Variants in COL21A1 observed in about 807,000 individuals in gnomAD.
COL21A1 encodes collagen alpha-1(XXI) chain.
A neutral mutation model predicts 137.9 loss-of-function variants in COL21A1; 149 were observed. The observed-to-expected ratio is 1.08, with a 90% CI of 0.95 to 1.24. COL21A1 has a LOEUF of 1.24. COL21A1 is among the 50% of genes most tolerant of loss of function. The pLI is 0.00. For synonymous variants in COL21A1, 456 were observed against 391.5 expected (o/e 1.16, Z -1.95); for missense variants, 1,167 against 1,158.4 (o/e 1.01, Z -0.11).
At chr6:56,375,234 C>T (rs907291910) in intron 1 of COL21A1, among the ~76,000 whole-genome samples, 2 of 152,136 alleles carry the variant, frequency 1.3e-5, no homozygotes, top group Non-Finnish European at 2.9e-5. Flanking sequence ...GCTGAGTCCC[C>T]ACAGGAGTCT....
At chr6:56,121,477 TATATACATATAC>T (rs1772499823) in intron 16 of COL21A1, among the ~76,000 whole-genome samples, 2 of 128,468 alleles carry the variant, frequency 1.6e-5, no homozygotes, top group South Asian at 4.8e-4. Flanking sequence ...TATGTATATA[TATATACATATAC>T]ATATATATGT....
intron 1 of COL21A1, among the ~76,000 whole-genome samples, chr6:56,201,176 TGGA>T (rs1047406663): frequency 1.6e-3 from 242 of 152,320 alleles, no homozygotes; most frequent in African/African-American, 5.5e-3. Context: ...GTAAATTTGT[TGGA>T]GTTCATTGTA....
chr6:56,280,610 G>C (rs1182463418), intron 1 of COL21A1, among the ~76,000 whole-genome samples: 1 of 152,170 alleles, frequency 6.6e-6, no homozygotes, highest in Non-Finnish European at 1.5e-5. Context: ...AACACTTGTG[G>C]CTTGCATACT....
rs773936512 is a variant in COL21A1 at position 56,180,042 on chromosome 6, C to T, written c.176G>A (p.Trp59Ter). The T allele has an allele frequency of 6.2e-7, 1 of 1,613,750 alleles. No individual in the cohort carries two copies. The highest frequency in any genetic ancestry group is 8.5e-7 in the Non-Finnish European group (1 of 1,179,786). Reference protein sequence around the residue: ...GPENFEIVKKWLVNITKNFDI... With the variant: ...GPENFEIVKK ...AAAGTTTTTTGTGATATTGACAAGC[C>T]ACTTTTTCACTATTTCAAAGTTTTC... Residue 59 changes from tryptophan (W) to a stop codon, truncating the protein, a stop_gained, in exon 3 of 30, where the codon TGG (tryptophan) becomes TAG (stop). Coordinates refer to ENST00000244728, the MANE Select transcript of COL21A1 (RefSeq NM_030820.4). LOFTEE classifies it high-confidence loss of function.
chr6:56,166,377 C>T (rs1431808854), intron 7 of COL21A1, among the ~76,000 whole-genome samples: 2 of 152,048 alleles, frequency 1.3e-5, no homozygotes, highest in Admixed American at 6.6e-5. Context: ...ACTGACAGGG[C>T]GTGGTGGCTC....
At chr6:56,089,417 A>G (rs1490813962) in intron 17 of COL21A1, among the ~76,000 whole-genome samples, 1 of 152,182 alleles carries the variant, frequency 6.6e-6, no homozygotes, top group Non-Finnish European at 1.5e-5. Flanking sequence ...TAACATCTAT[A>G]TATATTTTTT....
At chr6:56,324,482 T>C (rs886114222) in intron 1 of COL21A1, among the ~76,000 whole-genome samples, 1 of 152,092 alleles carries the variant, frequency 6.6e-6, no homozygotes, top group Non-Finnish European at 1.5e-5. Context: ...CAGTCATCTC[T>C]GCCTCAACAC....
At chr6:56,213,276 A>AT (rs1212862816) in intron 1 of COL21A1, among the ~76,000 whole-genome samples, 1 of 152,152 alleles carries the variant, frequency 6.6e-6, no homozygotes, top group Non-Finnish European at 1.5e-5. Flanking sequence ...AGTATATGGT[A>AT]TAGAGCTCAT....
intron 1 of COL21A1, among the ~76,000 whole-genome samples, chr6:56,303,805 G>A (rs761713600): frequency 2.6e-5 from 4 of 152,158 alleles, no homozygotes; most frequent in African/African-American, 9.7e-5. Context: ...TCCCTGTCTT[G>A]TACCAGTTTT....
intron 1 of COL21A1, among the ~76,000 whole-genome samples, chr6:56,269,523 C>T (rs1233227480): frequency 5.3e-5 from 8 of 150,922 alleles, no homozygotes; most frequent in South Asian, 2.1e-4. Context: ...GGCGTAGTGG[C>T]GGGCGCCTGT....
intron 1 of COL21A1, among the ~76,000 whole-genome samples, chr6:56,378,461 C>T (rs181687447): frequency 1.3e-5 from 2 of 152,180 alleles, no homozygotes; most frequent in Admixed American, 6.5e-5. Flanking sequence ...GTGGGCCTGC[C>T]GAGGCAGTGG....
In COL21A1 at chr6:56,122,106, G is replaced by A. The variant is rs112249096; in HGVS notation, c.1758+1956C>T. ...TGAAGTACTACCGATACAAGCCAAA[G>A]CATGAATGACCCACAAAAATGTCAT... On this transcript the variant is annotated intron_variant, in intron 16 of 29. Transcript: ENST00000244728. Among the ~76,000 whole-genome samples the A allele has an allele frequency of 3.0e-3, 461 of 152,132 alleles. 4 individuals are homozygous for A. Among genetic ancestry groups the A allele is most frequent in the African/African-American group, 0.011 (447 of 41,494 alleles).
chr6:56,062,415 G>A lies in COL21A1; in HGVS notation c.2173-734C>T, dbSNP rs570626041. 2.7e-4 allele frequency among the ~76,000 whole-genome samples: 41 copies of A among 152,122 alleles called. 1 individual carries two copies. The highest frequency in any genetic ancestry group is 2.0e-3 in the Admixed American group (31 of 15,262). On this transcript the variant is annotated intron_variant, in intron 24 of 29. Coordinates refer to ENST00000244728, the MANE Select transcript of COL21A1 (RefSeq NM_030820.4). ...ATAGAGGAAAAAAACTCTCAGGAAAGGTATTAACATTTTCCATTTTTGAAA... is the reference window on the plus strand; with the variant it reads ...ATAGAGGAAAAAAACTCTCAGGAAAAGTATTAACATTTTCCATTTTTGAAA...
chr6:56,319,410 T>C (rs1264343583), intron 1 of COL21A1, among the ~76,000 whole-genome samples: 1 of 152,176 alleles, frequency 6.6e-6, no homozygotes, highest in Non-Finnish European at 1.5e-5. Flanking sequence ...TACTCTCTGC[T>C]CATTGCAACC....
Position 56,179,680 on chromosome 6 carries a change from T to C in COL21A1, c.538A>G (p.Arg180Gly), listed in dbSNP as rs1219144852. The C allele has an allele frequency of 2.5e-6, 4 of 1,614,018 alleles. No homozygotes were observed. The highest frequency in any genetic ancestry group is 2.5e-6 in the Non-Finnish European group (3 of 1,179,884). Residue 180 changes from arginine (R) to glycine (G), a missense_variant, in exon 3 of 30, where the codon AGA (arginine) becomes GGA (glycine). Physicochemically the swap from Arg to Gly is moderately radical, Grantham distance 125. Coordinates refer to ENST00000244728, the MANE Select transcript of COL21A1 (RefSeq NM_030820.4). ...GACGAAGGCTTGTTGGCAATAGCTC[T>C]AAGTTCGGCATCTTCTGTTTCTGAA... The part of the protein sequence containing the change: ...VGSETEDAEL[R>G]AIANKPSSTY...
intron 9 of COL21A1, among the ~76,000 whole-genome samples, chr6:56,162,713 T>A (rs1045770352): frequency 5.3e-5 from 8 of 152,320 alleles, no homozygotes; most frequent in African/African-American, 1.9e-4. Flanking sequence ...CTCATGCAGG[T>A]CAAATTACTT....
At chr6:56,160,882 G>A (rs185039461) in intron 9 of COL21A1, among the ~76,000 whole-genome samples, 8 of 152,256 alleles carry the variant, frequency 5.3e-5, no homozygotes, top group Non-Finnish European at 7.4e-5. Context: ...CAAATACGAC[G>A]TTTGTAAGCC....
chr6:56,270,304 A>C (rs56228595), intron 1 of COL21A1, among the ~76,000 whole-genome samples: 16 of 152,360 alleles, frequency 1.1e-4, no homozygotes, highest in Non-Finnish European at 2.4e-4. Context: ...AACTGACAAC[A>C]ATTAATAAGG....
chr6:56,221,750 A>C (rs546878404), intron 1 of COL21A1, among the ~76,000 whole-genome samples: 96 of 152,220 alleles, frequency 6.3e-4, no homozygotes, highest in African/African-American at 2.2e-3. Context: ...AAAGACTTGA[A>C]TTTATTGGAT....
Sources: gnomAD v4.1 joint callset for allele counts (sites outside exome capture counted in the v4.1 genomes callset) on GRCh38, gnomAD v4.1.1 for gene constraint, MANE v1.5 for transcripts, NCBI Gene and HGNC (gene_info 2026-07-23, HGNC 2026-07-21) for gene names.